The following GALK2 variants were observed in gnomAD, a reference collection of about 807,000 sequenced individuals.
GALK2 encodes galactokinase 2, also known as N-acetylgalactosamine kinase.
A neutral mutation model predicts 52.4 loss-of-function variants in GALK2; 36 were observed. That is an observed-to-expected ratio of 0.69 (90% CI 0.53 to 0.91). The LOEUF is 0.91. Among genes scored for constraint, GALK2 ranks in the 40% least tolerant of loss-of-function variants. The probability of loss-of-function intolerance (pLI) is 0.00; values close to 1 mark genes in which losing one functional copy is unlikely to be tolerated. For synonymous variants in GALK2, 176 were observed against 199.1 expected, an observed-to-expected ratio of 0.88 and a Z score of 0.98; for missense variants, 579 against 559.1, an observed-to-expected ratio of 1.04 and a Z score of -0.36.
intron 3 of GALK2, among the ~76,000 whole-genome samples, chr15:49,338,510 G>C (rs1174560629): frequency 6.6e-6 from 1 of 152,118 alleles, no homozygotes; most frequent in Non-Finnish European, 1.5e-5. Context: ...TAGTCTGGTG[G>C]GCTTCCCTTT....
At chr15:49,273,839 G>T (rs1448783865) in intron 5 of GALK2, among the ~76,000 whole-genome samples, 2 of 152,200 alleles carry the variant, frequency 1.3e-5, no homozygotes, top group Non-Finnish European at 2.9e-5. Context: ...AGTCAGAGGA[G>T]CCATTAATGT....
chr15:49,213,231 G>A (rs1238422623), intron 2 of GALK2, among the ~76,000 whole-genome samples: 1 of 152,114 alleles, frequency 6.6e-6, no homozygotes, highest in African/African-American at 2.4e-5. Flanking sequence ...TGACTCCTTT[G>A]ACATTATATA....
chr15:49,354,774 A>G (rs2042835168), intron 3 of GALK2, among the ~76,000 whole-genome samples: 2 of 151,850 alleles, frequency 1.3e-5, no homozygotes, highest in African/African-American at 4.8e-5. Context: ...TGTAGGCTCC[A>G]CCTCTGGGGG....
intron 1 of GALK2, among the ~76,000 whole-genome samples, chr15:49,157,279 G>T (rs922012969): frequency 2.6e-5 from 4 of 152,108 alleles, no homozygotes; most frequent in African/African-American, 9.7e-5. Flanking sequence ...TCTTAAGACT[G>T]ACATTTTCTT....
upstream of GALK2, among the ~76,000 whole-genome samples, chr15:49,165,905 C>T (rs892041674): frequency 6.6e-6 from 1 of 151,746 alleles, no homozygotes; most frequent in Non-Finnish European, 1.5e-5. Context: ...CAGGTTCACG[C>T]CATTCTCCTG....
intron 9 of GALK2, among the ~76,000 whole-genome samples, chr15:49,326,148 G>A (rs555292412): frequency 1.7e-4 from 26 of 152,126 alleles, no homozygotes; most frequent in Non-Finnish European, 3.2e-4. Flanking sequence ...TGTCATGGCT[G>A]GCTTTAATGC....
intron 1 of GALK2, among the ~76,000 whole-genome samples, chr15:49,196,360 T>G (rs1197252259): frequency 6.6e-6 from 1 of 152,192 alleles, no homozygotes; most frequent in East Asian, 1.9e-4. Flanking sequence ...TATCTTTCAC[T>G]TCATTTCCCC....
rs752706367 is a variant in GALK2, at chr15:49,328,609, A to G, written c.*450A>G. On this transcript the variant is annotated 3_prime_UTR_variant, in exon 10 of 10. Transcript: ENST00000560031. Reference sequence around the variant, plus strand: ...TCAAAGTTGTAGTTGTCTGTTGATGATGGTGATGATGATGATGATGACGAT... The same window carrying G: ...TCAAAGTTGTAGTTGTCTGTTGATGGTGGTGATGATGATGATGATGACGAT... The G allele has an allele frequency of 8.2e-6, 13 of 1,592,182 alleles. No homozygotes were observed. The highest frequency in any genetic ancestry group is 1.1e-5 in the Non-Finnish European group (13 of 1,165,970).
intron 1 of GALK2, among the ~76,000 whole-genome samples, chr15:49,193,593 G>A (rs1302091762): frequency 6.6e-6 from 1 of 151,830 alleles, no homozygotes; most frequent in African/African-American, 2.4e-5. Context: ...CTAGTTTTCT[G>A]TAGTTTCTTT....
Position 49,178,587 on chromosome 15 carries a change from C to T in GALK2, c.53+8212C>T, listed in dbSNP as rs548531474. The T allele has an allele frequency of 2.7e-3, 631 of 231,594 alleles. 2 individuals are homozygous for T. The highest frequency in any genetic ancestry group is 4.8e-3 in the Non-Finnish European group (542 of 112,376). 14.3% of individuals were successfully genotyped at this position (231,594 alleles called of 1,614,324 possible). On this transcript the variant is annotated intron_variant, in intron 1 of 9. Coordinates refer to ENST00000560031, the MANE Select transcript of GALK2 (RefSeq NM_002044.4). ...ACGTAAACTTGCTTGGCCTTGTAGCCCTGTCGGTGCACTTTTTTGGGCTGG... is the reference window on the plus strand; with the variant it reads ...ACGTAAACTTGCTTGGCCTTGTAGCTCTGTCGGTGCACTTTTTTGGGCTGG...
chr15:49,242,143 A>G (rs1384741096), intron 5 of GALK2, among the ~76,000 whole-genome samples: 2 of 152,210 alleles, frequency 1.3e-5, no homozygotes, highest in African/African-American at 2.4e-5. Context: ...TAAGAATTCA[A>G]GGGACTTTAG....
intron 3 of GALK2, among the ~76,000 whole-genome samples, chr15:49,357,877 A>G (rs2043449898): frequency 6.6e-6 from 1 of 152,004 alleles, no homozygotes; most frequent in South Asian, 2.1e-4. Context: ...CCCATCAAAA[A>G]GCTTATCCAC....
At chr15:49,224,690 G>T (rs573863705) in intron 3 of GALK2, among the ~76,000 whole-genome samples, 1 of 152,240 alleles carries the variant, frequency 6.6e-6, no homozygotes, top group African/African-American at 2.4e-5. Context: ...GTCTATGTCT[G>T]TGTATCTGTT....
intron 3 of GALK2, among the ~76,000 whole-genome samples, chr15:49,218,194 G>A (rs539085527): frequency 3.7e-4 from 56 of 152,240 alleles, no homozygotes; most frequent in African/African-American, 1.2e-3. Flanking sequence ...TGTGCAAGAC[G>A]TAGAAGTTTT....
At chr15:49,172,934 A>C (rs528243673) in intron 1 of GALK2, among the ~76,000 whole-genome samples, 1 of 152,354 alleles carries the variant, frequency 6.6e-6, no homozygotes, top group Admixed American at 6.5e-5. Context: ...TAATTCATTT[A>C]AAGTTTGCAA....
intron 8 of GALK2, among the ~76,000 whole-genome samples, chr15:49,309,097 A>G (rs567831820): frequency 6.6e-6 from 1 of 152,208 alleles, no homozygotes. Flanking sequence ...CTTTGAGTCT[A>G]ACAGGCATAG....
At chr15:49,315,684 G>A (rs1395707998) in intron 8 of GALK2, among the ~76,000 whole-genome samples, 1 of 152,166 alleles carries the variant, frequency 6.6e-6, no homozygotes, top group African/African-American at 2.4e-5. Flanking sequence ...TCAAGAGATT[G>A]CAAGCCATGG....
chr15:49,249,551 T>C (rs1360662359), intron 5 of GALK2, among the ~76,000 whole-genome samples: 1 of 152,112 alleles, frequency 6.6e-6, no homozygotes, highest in Non-Finnish European at 1.5e-5. Flanking sequence ...ATAGGTAAGG[T>C]AGGAAAATAA....
intron 5 of GALK2, among the ~76,000 whole-genome samples, chr15:49,240,060 T>G (rs892992076): frequency 3.3e-5 from 5 of 152,200 alleles, no homozygotes. Context: ...AGCCACATGC[T>G]TAGTCTCTTT....
Sources: allele counts gnomAD v4.1 joint callset (sites outside exome capture counted in the v4.1 genomes callset), GRCh38; gene constraint gnomAD v4.1.1; transcripts MANE v1.5; gene names NCBI Gene and HGNC (gene_info 2026-07-23, HGNC 2026-07-21).